HS3ST4: variants seen among roughly 807,000 people sequenced by gnomAD.
HS3ST4 encodes heparan sulfate-glucosamine 3-sulfotransferase 4, also known as heparan sulfate glucosamine 3-O-sulfotransferase 4.
A neutral mutation model predicts 29.2 loss-of-function variants in HS3ST4; 17 were observed. That is an observed-to-expected ratio of 0.58 (90% CI 0.40 to 0.87). The LOEUF is 0.87. HS3ST4 is among the 40% of genes least tolerant of loss of function. HS3ST4 has a pLI of 0.00. For synonymous variants in HS3ST4, 314 were observed against 285.7 expected (o/e 1.10, Z -1.00); for missense variants, 627 against 634.5 (o/e 0.99, Z 0.13).
rs189530542 is a variant in HS3ST4 at position 25,935,985 on chromosome 16, C to T, written c.735-199627C>T. Among the ~76,000 whole-genome samples, 78 of 152,192 alleles carry T rather than the reference C, an allele frequency of 5.1e-4. No homozygotes were observed. In the East Asian group the frequency reaches 0.01, roughly 20 times the overall value. ...TTGCCATGTTTCCCAGGCTTGTCTC[C>T]TAAGCTGAACTTCTGGGTTTAAGCC... On this transcript the variant is annotated intron_variant, in intron 1 of 1. Coordinates refer to ENST00000331351, the MANE Select transcript of HS3ST4 (RefSeq NM_006040.3).
intron 1 of HS3ST4, among the ~76,000 whole-genome samples, chr16:25,751,389 A>T (rs971164754): frequency 6.6e-6 from 1 of 152,196 alleles, no homozygotes; most frequent in Non-Finnish European, 1.5e-5. Flanking sequence ...AAAATGCAGT[A>T]GGTGGCAGAG....
intron 1 of HS3ST4, among the ~76,000 whole-genome samples, chr16:25,781,408 T>C (rs1182945414): frequency 6.6e-6 from 1 of 152,220 alleles, no homozygotes; most frequent in Admixed American, 6.5e-5. Flanking sequence ...TTGTACTTAC[T>C]AGTTCTTCTT....
intron 1 of HS3ST4, among the ~76,000 whole-genome samples, chr16:25,854,682 A>G (rs1002291275): frequency 5.3e-5 from 8 of 151,226 alleles, no homozygotes; most frequent in Non-Finnish European, 7.4e-5. Context: ...TTCCTTAAAT[A>G]CTCTTTCTCA....
intron 1 of HS3ST4, among the ~76,000 whole-genome samples, chr16:25,902,904 C>T (rs373909588): frequency 2.0e-5 from 3 of 151,938 alleles, no homozygotes; most frequent in Middle Eastern, 3.2e-3. Flanking sequence ...TCAAGACCAG[C>T]CTGGTCAACA....
chr16:25,979,140 G>T (rs543305920), intron 1 of HS3ST4, among the ~76,000 whole-genome samples: 3 of 152,082 alleles, frequency 2.0e-5, no homozygotes, highest in Non-Finnish European at 2.9e-5. Context: ...CAGGTGATCC[G>T]CCTGCCTCGG....
intron 1 of HS3ST4, among the ~76,000 whole-genome samples, chr16:26,106,539 AG>A (rs1899059479): frequency 6.6e-6 from 1 of 152,220 alleles, no homozygotes; most frequent in African/African-American, 2.4e-5. Context: ...AATAACTCAA[AG>A]GGTCCTGATT....
intron 1 of HS3ST4, among the ~76,000 whole-genome samples, chr16:25,804,801 G>A (rs1966974160): frequency 6.6e-6 from 1 of 152,096 alleles, no homozygotes; most frequent in Non-Finnish European, 1.5e-5. Flanking sequence ...CCTTATCTCA[G>A]ACCTTGTAAG....
At chr16:25,781,731 A>C (rs774606458) in intron 1 of HS3ST4, among the ~76,000 whole-genome samples, 8 of 152,124 alleles carry the variant, frequency 5.3e-5, no homozygotes, top group Non-Finnish European at 1.2e-4. Context: ...GACCATCCAC[A>C]CTCTACTGCC....
At chr16:25,802,650 A>T (rs528097084) in intron 1 of HS3ST4, among the ~76,000 whole-genome samples, 14 of 152,156 alleles carry the variant, frequency 9.2e-5, no homozygotes, top group Non-Finnish European at 1.6e-4. Context: ...ATTTAATAAT[A>T]TTACATTTGT....
At chr16:25,973,981 G>A (rs192432922) in intron 1 of HS3ST4, among the ~76,000 whole-genome samples, 1 of 152,256 alleles carries the variant, frequency 6.6e-6, no homozygotes, top group Non-Finnish European at 1.5e-5. Context: ...ATGTCTGTAC[G>A]TCTGCATGAG....
intron 1 of HS3ST4, among the ~76,000 whole-genome samples, chr16:25,799,106 A>G (rs115928211): frequency 2.7e-3 from 409 of 152,324 alleles, no homozygotes; most frequent in African/African-American, 9.5e-3. Context: ...GTTCATTTTC[A>G]TTAACAGACT....
intron 1 of HS3ST4, among the ~76,000 whole-genome samples, chr16:25,887,702 T>TGC (rs5816333): frequency 7.0e-6 from 1 of 142,142 alleles, no homozygotes; most frequent in Non-Finnish European, 1.5e-5. Flanking sequence ...TTTTTTTTTT[T>TGC]TTTTTTTTTT....
At chr16:25,909,716 A>G (rs1968216763) in intron 1 of HS3ST4, among the ~76,000 whole-genome samples, 1 of 152,212 alleles carries the variant, frequency 6.6e-6, no homozygotes, top group African/African-American at 2.4e-5. Flanking sequence ...AACACTGCCA[A>G]CTAGTCTTTA....
intron 1 of HS3ST4, among the ~76,000 whole-genome samples, chr16:25,911,487 C>T (rs1056810111): frequency 3.5e-5 from 5 of 141,568 alleles, no homozygotes; most frequent in Non-Finnish European, 6.1e-5. Flanking sequence ...GGTGGTGTTC[C>T]GTTGTGTGGT....
chr16:25,833,744 G>A (rs987513941), intron 1 of HS3ST4, among the ~76,000 whole-genome samples: 3 of 152,130 alleles, frequency 2.0e-5, no homozygotes, highest in African/African-American at 7.2e-5. Context: ...CTCCATTTTG[G>A]ATATGCACCA....
At chr16:25,716,505 A>G (rs554398510) in intron 1 of HS3ST4, among the ~76,000 whole-genome samples, 2 of 152,364 alleles carry the variant, frequency 1.3e-5, no homozygotes, top group Admixed American at 1.3e-4. Context: ...CAGGTAGAGA[A>G]AGCCGCATCT....
rs1393565967 is a variant in HS3ST4 at position 25,692,157 on chromosome 16, G to C, written c.-261G>C. 4 of 146,732 alleles carry C rather than the reference G, an allele frequency of 2.7e-5. No homozygotes were observed. The highest frequency in any genetic ancestry group is 4.5e-5 in the Non-Finnish European group (3 of 66,548). The allele number at this position is 146,732 out of a possible 1,614,324, so 9.1% of individuals were successfully genotyped here. A position where few individuals can be genotyped will look rare whatever the true frequency, so the allele number is the denominator to read the frequency against. ...CCTCGGTCCCCTTGCCTGAGGCTGAGGGGGGGGCGGTGGTGGGGGGGCCAC... is the reference window on the plus strand; with the variant it reads ...CCTCGGTCCCCTTGCCTGAGGCTGACGGGGGGGCGGTGGTGGGGGGGCCAC... On this transcript the variant is annotated 5_prime_UTR_variant, in exon 1 of 2. Coordinates refer to ENST00000331351, the MANE Select transcript of HS3ST4 (RefSeq NM_006040.3).
intron 1 of HS3ST4, among the ~76,000 whole-genome samples, chr16:25,903,346 A>ATATATGTATATGTATATAT: frequency 1.5e-5 from 2 of 137,904 alleles, no homozygotes; most frequent in Non-Finnish European, 3.1e-5. Flanking sequence ...TATATATTAT[A>ATATATGTATATGTATATAT]TATATGTATA....
chr16:25,722,472 A>G (rs1246097272), intron 1 of HS3ST4, among the ~76,000 whole-genome samples: 1 of 152,132 alleles, frequency 6.6e-6, no homozygotes, highest in Non-Finnish European at 1.5e-5. Context: ...TTTGCTTTTC[A>G]CCTACTGAGG....
Sources: gnomAD v4.1 joint callset for allele counts (sites outside exome capture counted in the v4.1 genomes callset) on GRCh38, gnomAD v4.1.1 for gene constraint, MANE v1.5 for transcripts, NCBI Gene and HGNC (gene_info 2026-07-23, HGNC 2026-07-21) for gene names.